FBLN1: variants seen among roughly 807,000 people sequenced by gnomAD.
The protein encoded by FBLN1 is fibulin 1, also known as fibulin-1.
A neutral mutation model predicts 89.7 loss-of-function variants in FBLN1; 34 were observed. That is an observed-to-expected ratio of 0.38 (90% CI 0.29 to 0.50). FBLN1 has a LOEUF of 0.50. Ranked by LOEUF, FBLN1 falls within the 20% of genes least tolerant of loss-of-function variation. The probability of loss-of-function intolerance (pLI) is 0.92; values close to 1 mark genes in which losing one functional copy is unlikely to be tolerated. For missense variants in FBLN1, 777 were observed against 988.1 expected, an observed-to-expected ratio of 0.79 and a Z score of 2.86; for synonymous variants, 393 against 391.3, an observed-to-expected ratio of 1.00 and a Z score of -0.05.
rs1296606827 is a variant in FBLN1 at position 45,588,597 on chromosome 22, C to G, written c.1972+11489C>G. Reference sequence around the variant, plus strand: ...TAACTGGCCGCAGGATCCCACACACCTGCTGACTTCCAGAGTCACCAAGGG... The same window carrying G: ...TAACTGGCCGCAGGATCCCACACACGTGCTGACTTCCAGAGTCACCAAGGG... On this transcript the variant is annotated intron_variant, in intron 16 of 16. Coordinates refer to ENST00000327858, the MANE Select transcript of FBLN1 (RefSeq NM_006486.3). This position sits in a 1 kb window ranked among gnomAD's most constrained non-coding sequence, Gnocchi z 5.1. Among the ~76,000 whole-genome samples the G allele has an allele frequency of 6.6e-6, 1 of 152,156 alleles. No individual in the cohort carries two copies. The highest frequency in any genetic ancestry group is 1.5e-5 in the Non-Finnish European group (1 of 68,024).
intron 14 of FBLN1, among the ~76,000 whole-genome samples, chr22:45,554,376 C>T (rs1267850297): frequency 6.6e-6 from 1 of 152,196 alleles, no homozygotes; most frequent in Non-Finnish European, 1.5e-5. Context: ...ACCTGGGCAT[C>T]TCTGGGGCAG....
At chr22:45,518,343 A>G (rs989790942) in intron 1 of FBLN1, among the ~76,000 whole-genome samples, 1 of 151,698 alleles carries the variant, frequency 6.6e-6, no homozygotes, top group Admixed American at 6.6e-5. Context: ...GAAGGCAGGG[A>G]CCCTGTCTGG....
rs767833538 is a variant in FBLN1 at position 45,547,069 on chromosome 22, T to C, written c.1322-16T>C. 3.1e-6 allele frequency: 5 copies of C among 1,613,970 alleles called. No individual in the cohort carries two copies. In the Admixed American group the frequency reaches 8.3e-5, roughly 27 times the overall value. On this transcript the variant is annotated splice_polypyrimidine_tract_variant and intron_variant, in intron 11 of 16. Transcript: ENST00000327858. ...CGTATGATGCTCTGAGCGGTGACCC[T>C]CGTTTTGTATTTCAGACATCAATGA...
Position 45,517,685 on chromosome 22 carries a change from G to C in FBLN1, c.80-997G>C, listed in dbSNP as rs894907852. 3 of 466,372 alleles carry C rather than the reference G, an allele frequency of 6.4e-6. No homozygotes were observed. The Admixed American group carries it at 7.2e-5, about 11-fold the overall frequency. 28.9% of individuals were successfully genotyped at this position (466,372 alleles called of 1,614,324 possible). A position where few individuals can be genotyped will look rare whatever the true frequency, so the allele number is the denominator to read the frequency against. On this transcript the variant is annotated intron_variant, in intron 1 of 16. Transcript: ENST00000327858. ...CTCACAGGTCCCCGTTTCTGTGGAA[G>C]AGGGGATCTTGTGGTAAGTCAAGGG...
At chr22:45,525,073 GAAAGAAAGAA>G (rs1024548780) in intron 2 of FBLN1, among the ~76,000 whole-genome samples, 2 of 145,046 alleles carry the variant, frequency 1.4e-5, no homozygotes, top group African/African-American at 5.1e-5. Context: ...CCATCTCAAA[GAAAGAAAGAA>G]AGAGAGAAAG....
Position 45,597,105 on chromosome 22 carries a change from C to T in FBLN1, c.1973-3202C>T, listed in dbSNP as rs2089194162. 6.7e-6 allele frequency among the ~76,000 whole-genome samples: 1 copy of T among 150,190 alleles called. No homozygotes were observed. Among genetic ancestry groups the T allele is most frequent in the Non-Finnish European group, 1.5e-5 (1 of 67,588 alleles). ...CAACCTTGACCTTCCCGGGCTCAAA[C>T]AATTCTGCCACCTCAGCCTCCTGAG... On this transcript the variant is annotated intron_variant, in intron 16 of 16. Transcript: ENST00000327858. This position sits in a 1 kb window ranked among gnomAD's most constrained non-coding sequence, Gnocchi z 4.2.
At chr22:45,512,463 G>A (rs1393057403) in intron 1 of FBLN1, among the ~76,000 whole-genome samples, 4 of 152,128 alleles carry the variant, frequency 2.6e-5, no homozygotes, top group Non-Finnish European at 5.9e-5. Context: ...GCACTGAGAA[G>A]GCAACACATG....
intron 2 of FBLN1, among the ~76,000 whole-genome samples, chr22:45,524,065 C>A (rs2088287446): frequency 6.6e-6 from 1 of 152,236 alleles, no homozygotes; most frequent in Non-Finnish European, 1.5e-5. Flanking sequence ...GAAATGTGTG[C>A]TAGCTCAGCT....
Position 45,531,095 on chromosome 22 carries a change from C to T in FBLN1, c.485-170C>T, listed in dbSNP as rs778058223. ...TGATCAGATATCAATTATACATTTT[C>T]AAGTGTAATTCTAGCTTAAAGAGGA... On this transcript the variant is annotated intron_variant, in intron 4 of 16. Transcript: ENST00000327858. This position sits in a 1 kb window ranked among gnomAD's most constrained non-coding sequence, Gnocchi z 4.9. Among the ~76,000 whole-genome samples the T allele has an allele frequency of 4.6e-5, 7 of 152,128 alleles. No homozygotes were observed. The highest frequency in any genetic ancestry group is 8.8e-5 in the Non-Finnish European group (6 of 68,034).
rs2088790919 is a variant in FBLN1, at chr22:45,556,569, A to C, written c.1697+5954A>C. Among the ~76,000 whole-genome samples, 1 of 152,094 alleles carries C rather than the reference A, an allele frequency of 6.6e-6. No homozygotes were observed. Among genetic ancestry groups the C allele is most frequent in the Non-Finnish European group, 1.5e-5 (1 of 68,026 alleles). ...TTGACCTTAATCACAGGGCATGGTA[A>C]TACTGAGAGATGCCCTAATGGATCT... is the stretch of plus-strand genomic sequence containing the variant. On this transcript the variant is annotated intron_variant, in intron 14 of 16. Coordinates refer to ENST00000327858, the MANE Select transcript of FBLN1 (RefSeq NM_006486.3). The surrounding 1 kb of genome is among the most constrained non-coding windows in gnomAD (Gnocchi z 4.6).
At chr22:45,535,526 A>G (rs1233956457) in intron 8 of FBLN1, 189 bp downstream of exon 8, 1 of 662,152 alleles carries the variant, frequency 1.5e-6, no homozygotes, top group Non-Finnish European at 2.6e-6. Context: ...GGTCTCTGTC[A>G]TAATAGTCAA....
rs139972415 is a variant in FBLN1, at chr22:45,563,216, G to A, written c.1698-11295G>A. On this transcript the variant is annotated intron_variant, in intron 14 of 16. Transcript: ENST00000327858. The surrounding 1 kb of genome is among the most constrained non-coding windows in gnomAD (Gnocchi z 5.7). ...GATGGATCTCTCTCGCCACGGCACC[G>A]TCAGCTCCTTTGTGGCCAAGCTTTT... 76 of 1,613,680 alleles carry A rather than the reference G, an allele frequency of 4.7e-5. No individual in the cohort carries two copies. The highest frequency in any genetic ancestry group is 1.2e-4 in the African/African-American group (9 of 74,924).
chr22:45,565,350 C>A, intron 14 of FBLN1: 1 of 1,156,072 alleles, frequency 8.6e-7, no homozygotes, highest in Non-Finnish European at 1.1e-6. Context: ...CCCACCCCAG[C>A]TCATCCATGT....
chr22:45,516,782 T>C (rs1194654943), intron 1 of FBLN1, among the ~76,000 whole-genome samples: 1 of 152,122 alleles, frequency 6.6e-6, no homozygotes, highest in Non-Finnish European at 1.5e-5. Flanking sequence ...GTCAGAAGGG[T>C]GGGTCTACCT....
Position 45,581,701 on chromosome 22 carries a change from GTCAGGGGAGGCT to G in FBLN1, c.1972+4596_1972+4607del, listed in dbSNP as rs930254885. 2.0e-5 allele frequency among the ~76,000 whole-genome samples: 3 copies of G among 152,096 alleles called. No individual in the cohort carries two copies. The highest frequency in any genetic ancestry group is 7.2e-5 in the African/African-American group (3 of 41,450). On this transcript the variant is annotated intron_variant, in intron 16 of 16. Transcript: ENST00000327858. This position sits in a 1 kb window ranked among gnomAD's most constrained non-coding sequence, Gnocchi z 7.6. The stretch of plus-strand genomic sequence containing the variant: ...GTCGCACGGGCATGACCATGGGGCA[GTCAGGGGAGGCT>G]TCCTGGAAGAGGTCACACACATTCT...
intron 16 of FBLN1, among the ~76,000 whole-genome samples, chr22:45,599,973 A>G (rs1320866383): frequency 6.6e-6 from 1 of 152,146 alleles, no homozygotes; most frequent in Non-Finnish European, 1.5e-5. Context: ...AGAGCAGAAA[A>G]CCTGGGCTCA....
At chr22:45,533,240 A>G (rs1569243081) in intron 6 of FBLN1, 76 bp downstream of exon 6, 21 of 1,345,294 alleles carry the variant, frequency 1.6e-5, no homozygotes, top group East Asian at 2.3e-5. Flanking sequence ...AGGACTGACC[A>G]GGGCCTGCCT....
intron 14 of FBLN1, among the ~76,000 whole-genome samples, chr22:45,553,141 C>T (rs1280435499): frequency 6.6e-6 from 1 of 152,232 alleles, no homozygotes; most frequent in Non-Finnish European, 1.5e-5. Flanking sequence ...AGGAAAATGC[C>T]GGCAGGGATA....
At chr22:45,541,776 G>A (rs748789621) in intron 9 of FBLN1, among the ~76,000 whole-genome samples, 1 of 152,240 alleles carries the variant, frequency 6.6e-6, no homozygotes, top group African/African-American at 2.4e-5. Flanking sequence ...GTGGGTGTTT[G>A]CTCTCACGTC....
Sources: allele counts gnomAD v4.1 joint callset (sites outside exome capture counted in the v4.1 genomes callset), GRCh38; gene constraint gnomAD v4.1.1; non-coding constraint Gnocchi (gnomAD v3.1); transcripts MANE v1.5; gene names NCBI Gene and HGNC (gene_info 2026-07-23, HGNC 2026-07-21).